AMPH: variants seen among roughly 807,000 people sequenced by gnomAD.
The protein encoded by AMPH is amphiphysin.
A neutral mutation model predicts 99.1 loss-of-function variants in AMPH; 49 were observed. The ratio of observed to expected loss-of-function variants is 0.49; its 90% confidence interval spans 0.39 to 0.63. AMPH has a LOEUF of 0.63. Among genes scored for constraint, AMPH ranks in the 20% least tolerant of loss-of-function variants. The pLI is 0.00. For synonymous variants in AMPH, 314 were observed against 317.3 expected, an observed-to-expected ratio of 0.99 and a Z score of 0.11; for missense variants, 759 against 863.4, an observed-to-expected ratio of 0.88 and a Z score of 1.52.
At chr7:38,462,657 T>C (rs1787493664) in intron 10 of AMPH, among the ~76,000 whole-genome samples, 1 of 151,860 alleles carries the variant, frequency 6.6e-6, no homozygotes, top group African/African-American at 2.4e-5. Flanking sequence ...CATGCAGAGG[T>C]AGGATTTAAA....
chr7:38,482,217 T>C (rs1367708462), intron 5 of AMPH, among the ~76,000 whole-genome samples: 1 of 152,130 alleles, frequency 6.6e-6, no homozygotes, highest in Non-Finnish European at 1.5e-5. Context: ...TTCCTAAATG[T>C]GGCTTGAGGG....
rs117950892 is a variant in AMPH, at chr7:38,420,934, C to T, written c.1272+1487G>A. ...TACCTCGCTCAGAATAGTCAATGAG[C>T]CAAACACTGGGGCGTTTTCTTGCTC... On this transcript the variant is annotated intron_variant, in intron 16 of 20. Coordinates refer to ENST00000356264, the MANE Select transcript of AMPH (RefSeq NM_001635.4). The T allele has an allele frequency of 3.7e-3, 1,701 of 456,440 alleles. 4 individuals are homozygous for T. Among genetic ancestry groups the T allele is most frequent in the Non-Finnish European group, 5.7e-3 (1,284 of 226,890 alleles). 28.3% of individuals were successfully genotyped at this position (456,440 alleles called of 1,614,324 possible).
chr7:38,608,690 C>T (rs74714446), intron 1 of AMPH, among the ~76,000 whole-genome samples: 1 of 152,134 alleles, frequency 6.6e-6, no homozygotes, highest in African/African-American at 2.4e-5. Flanking sequence ...AGAAAGAAGG[C>T]TGAGGGCTGC....
intron 3 of AMPH, among the ~76,000 whole-genome samples, chr7:38,501,138 TCCTTGG>T (rs2129025804): frequency 6.6e-6 from 1 of 152,290 alleles, no homozygotes; most frequent in East Asian, 1.9e-4. Flanking sequence ...CCCTGTTGTT[TCCTTGG>T]CATGCAACCT....
At chr7:38,455,889 G>C (rs1020398624) in intron 11 of AMPH, among the ~76,000 whole-genome samples, 6 of 152,254 alleles carry the variant, frequency 3.9e-5, no homozygotes, top group Non-Finnish European at 8.8e-5. Flanking sequence ...CAAGAAGGGA[G>C]AGGAGAGGCC....
At chr7:38,606,566 CTTTTT>C (rs56934636) in intron 1 of AMPH, among the ~76,000 whole-genome samples, 1 of 97,288 alleles carries the variant, frequency 1.0e-5, no homozygotes. Context: ...ACGTCATTCT[CTTTTT>C]TTTTTTTTTT....
At chr7:38,534,855 T>A in intron 2 of AMPH, 76 bp downstream of exon 2, 1 of 1,248,240 alleles carries the variant, frequency 8.0e-7, no homozygotes, top group South Asian at 1.3e-5. Context: ...TTAATCTTAA[T>A]GCATTTTACT....
At chr7:38,422,726 G>A (rs1489782418) in intron 15 of AMPH, among the ~76,000 whole-genome samples, 1 of 152,012 alleles carries the variant, frequency 6.6e-6, no homozygotes. Flanking sequence ...GGGCTCAGGC[G>A]ATCTACCTCA....
intron 1 of AMPH, among the ~76,000 whole-genome samples, chr7:38,621,720 C>A (rs560683424): frequency 2.5e-3 from 376 of 152,140 alleles, no homozygotes; most frequent in African/African-American, 8.5e-3. Flanking sequence ...TGTAAATGAC[C>A]AAAATGGTGG....
intron 1 of AMPH, among the ~76,000 whole-genome samples, chr7:38,627,280 G>A (rs534766475): frequency 6.0e-5 from 9 of 151,204 alleles, no homozygotes; most frequent in East Asian, 1.9e-4. Context: ...GCGGTGGCTC[G>A]CACCTATAAT....
chr7:38,421,856 C>G (rs966993540), intron 16 of AMPH, among the ~76,000 whole-genome samples: 1 of 152,182 alleles, frequency 6.6e-6, no homozygotes, highest in Admixed American at 6.5e-5. Flanking sequence ...TGTTTCCCAT[C>G]ATAACTGCAA....
At chr7:38,414,703 C>T (rs1018899522) in intron 17 of AMPH, among the ~76,000 whole-genome samples, 10 of 151,704 alleles carry the variant, frequency 6.6e-5, no homozygotes, top group Admixed American at 4.6e-4. Context: ...CTCACTCTGT[C>T]GCCCTGGTTG....
chr7:38,419,043 G>C (rs1454276887), intron 16 of AMPH, among the ~76,000 whole-genome samples: 1 of 151,376 alleles, frequency 6.6e-6, no homozygotes, highest in Admixed American at 6.6e-5. Flanking sequence ...GCCATTAGAG[G>C]GCTCATAAGA....
intron 17 of AMPH, among the ~76,000 whole-genome samples, chr7:38,415,616 G>A (rs73348876): frequency 0.023 from 3,454 of 152,222 alleles, 114 homozygotes; most frequent in African/African-American, 0.079. Context: ...CTAAGGAGAA[G>A]GGAGAACGAG....
intron 1 of AMPH, among the ~76,000 whole-genome samples, chr7:38,546,955 C>T (rs1036070406): frequency 5.3e-5 from 8 of 152,172 alleles, no homozygotes; most frequent in Non-Finnish European, 1.2e-4. Context: ...GACCCTCTGG[C>T]TTCCCTCTAG....
intron 2 of AMPH, among the ~76,000 whole-genome samples, chr7:38,510,577 C>T (rs1052690509): frequency 3.9e-5 from 6 of 152,156 alleles, no homozygotes; most frequent in African/African-American, 1.2e-4. Context: ...ATGGTTGGCA[C>T]ATTATTATGA....
At position 38,417,830 on chromosome 7, in the gene AMPH, CCTCCTCCACTGG is replaced by C; in HGVS notation, c.1381_1392del (p.Pro461_Glu464del). The stretch of plus-strand genomic sequence containing the variant: ...GAGAGGGAGGTGGTGCTCACCACTG[CCTCCTCCACTGG>C]CTCCTCAGCCCGAGTGTCCATTCCA... On this transcript the variant is annotated inframe_deletion, in exon 17 of 21. Transcript: ENST00000356264. 6.2e-7 allele frequency: 1 copy of C among 1,613,838 alleles called. No homozygotes were observed. Among genetic ancestry groups the C allele is most frequent in the South Asian group, 1.1e-5 (1 of 91,074 alleles).
At chr7:38,425,633 G>T (rs1330183034) in intron 15 of AMPH, among the ~76,000 whole-genome samples, 1 of 152,218 alleles carries the variant, frequency 6.6e-6, no homozygotes, top group African/African-American at 2.4e-5. Flanking sequence ...GCAGGAAGCA[G>T]AAGAGGGGGC....
intron 7 of AMPH, among the ~76,000 whole-genome samples, chr7:38,472,515 G>C (rs1787923139): frequency 6.6e-6 from 1 of 152,164 alleles, no homozygotes; most frequent in Non-Finnish European, 1.5e-5. Flanking sequence ...GGAGAGATCT[G>C]TAATTGTAAT....
Sources: allele counts gnomAD v4.1 joint callset (sites outside exome capture counted in the v4.1 genomes callset), GRCh38; gene constraint gnomAD v4.1.1; transcripts MANE v1.5; gene names NCBI Gene and HGNC (gene_info 2026-07-23, HGNC 2026-07-21).